The following ABRAXAS1 variants were observed in gnomAD, a reference collection of about 807,000 sequenced individuals.
ABRAXAS1 encodes abraxas 1, BRCA1 A complex subunit.
A neutral mutation model predicts 38.4 loss-of-function variants in ABRAXAS1; 26 were observed. That is an observed-to-expected ratio of 0.68 (90% CI 0.50 to 0.94). The LOEUF (loss-of-function observed/expected upper bound fraction) is 0.94, where lower values mean the gene tolerates loss of function less well. Ranked by LOEUF, ABRAXAS1 falls within the 40% of genes least tolerant of loss-of-function variation. The pLI is 0.00. For missense variants in ABRAXAS1, 438 were observed against 481.9 expected, an observed-to-expected ratio of 0.91 and a Z score of 0.85; for synonymous variants, 144 against 165.5, an observed-to-expected ratio of 0.87 and a Z score of 1.00.
At chr4:83,472,849 A>G (rs1045793523) in intron 3 of ABRAXAS1, among the ~76,000 whole-genome samples, 1 of 152,202 alleles carries the variant, frequency 6.6e-6, no homozygotes, top group Non-Finnish European at 1.5e-5. Context: ...TTAAAAGATA[A>G]TTCCAAGTGA....
rs1306599893 is a variant in ABRAXAS1, at chr4:83,482,168, ACTT to A, written c.161_163del (p.Glu54del). On this transcript the variant is annotated inframe_deletion, in exon 2 of 9. Transcript: ENST00000321945. Reference sequence around the variant, plus strand: ...AAATAACTCACCAATTGTATAAACAACTTCAACATCATCCATTTGGGAATCAGT... The same window carrying A: ...AAATAACTCACCAATTGTATAAACAACAACATCATCCATTTGGGAATCAGT... 1 of 1,607,132 alleles carries A rather than the reference ACTT, an allele frequency of 6.2e-7. No individual in the cohort carries two copies. Among genetic ancestry groups the A allele is most frequent in the East Asian group, 2.2e-5 (1 of 44,770 alleles).
In ABRAXAS1 at chr4:83,472,117, T is replaced by C. The variant is rs1722608647; in HGVS notation, c.282+105A>G. Reference sequence around the variant, plus strand: ...TTCTTACTTACTTTACAGGATACTATGATGTCAAACACTGCTTAAAAATTC... The same window carrying C: ...TTCTTACTTACTTTACAGGATACTACGATGTCAAACACTGCTTAAAAATTC... On this transcript the variant is annotated intron_variant, in intron 4 of 8. Transcript: ENST00000321945. The C allele has an allele frequency of 1.1e-5, 7 of 631,208 alleles. No homozygotes were observed. In the South Asian group the frequency reaches 1.5e-4, roughly 14 times the overall value. The allele number at this position is 631,208 out of a possible 1,614,324, so 39.1% of individuals were successfully genotyped here.
intron 1 of ABRAXAS1, chr4:83,484,261 C>A: frequency 1.1e-6 from 1 of 945,142 alleles, no homozygotes; most frequent in Non-Finnish European, 1.3e-6. Context: ...ATTCTCCGAA[C>A]TGTACCACAC....
At chr4:83,483,635 A>G (rs1215494619) in intron 1 of ABRAXAS1, among the ~76,000 whole-genome samples, 1 of 152,080 alleles carries the variant, frequency 6.6e-6, no homozygotes, top group Non-Finnish European at 1.5e-5. Context: ...CCATAATGTG[A>G]GTCTTTACTG....
In ABRAXAS1 at chr4:83,476,801, C is replaced by T. The variant is rs138374560; in HGVS notation, c.179-122G>A. The T allele has an allele frequency of 1.6e-3, 1,010 of 623,978 alleles. 14 individuals carry two copies. The East Asian group carries it at 0.025, about 16-fold the overall frequency. The allele number at this position is 623,978 out of a possible 1,614,324, so 38.7% of individuals were successfully genotyped here. ...TTACCACTGATTATCTGATTTTTAT[C>T]CTCACAACAAATCTGCGACATATAC... On this transcript the variant is annotated intron_variant, in intron 2 of 8. Coordinates refer to ENST00000321945, the MANE Select transcript of ABRAXAS1 (RefSeq NM_139076.3).
In ABRAXAS1 at chr4:83,472,378, A is replaced by G. The variant is rs573774891; in HGVS notation, c.216-90T>C. 1.0e-3 allele frequency: 746 copies of G among 718,002 alleles called. 1 individual carries two copies. The highest frequency in any genetic ancestry group is 1.4e-3 in the Non-Finnish European group (653 of 458,368). 44.5% of individuals were successfully genotyped at this position (718,002 alleles called of 1,614,324 possible). On this transcript the variant is annotated intron_variant, in intron 3 of 8. Transcript: ENST00000321945. ...TTAAATTTTAGTTATTCCTAACCCAACTACCAAAGCCCATATACCTATTTG... is the reference window on the plus strand; with the variant it reads ...TTAAATTTTAGTTATTCCTAACCCAGCTACCAAAGCCCATATACCTATTTG...
chr4:83,484,164 G>T lies in ABRAXAS1; in HGVS notation c.87+822C>A. On this transcript the variant is annotated intron_variant, in intron 1 of 8. Coordinates refer to ENST00000321945, the MANE Select transcript of ABRAXAS1 (RefSeq NM_139076.3). ...ATTACAGGCGTGAGCCACCGCGCCC[G>T]ACCTATATTAAGGCAATTTTGAGTA... 3 of 983,006 alleles carry T rather than the reference G, an allele frequency of 3.1e-6. No homozygotes were observed. The South Asian group carries it at 1.4e-4, about 46-fold the overall frequency. The allele number at this position is 983,006 out of a possible 1,614,324, so 60.9% of individuals were successfully genotyped here. A position where few individuals can be genotyped will look rare whatever the true frequency, so the allele number is the denominator to read the frequency against.
At chr4:83,469,929 T>TA (rs1008134896) in intron 5 of ABRAXAS1, 60 of 256,358 alleles carry the variant, frequency 2.3e-4, no homozygotes, top group East Asian at 5.3e-4. Context: ...ATCAATCAAT[T>TA]AAAAAAAAAG....
chr4:83,477,637 A>G, intron 2 of ABRAXAS1: 1 of 515,502 alleles, frequency 1.9e-6, no homozygotes, highest in East Asian at 4.8e-5. Flanking sequence ...GGACCTTGCC[A>G]AAACACGACT....
rs1201001604 is a variant in ABRAXAS1, at chr4:83,462,179, C to T, written c.*290G>A. On this transcript the variant is annotated 3_prime_UTR_variant, in exon 9 of 9. Coordinates refer to ENST00000321945, the MANE Select transcript of ABRAXAS1 (RefSeq NM_139076.3). Reference sequence around the variant, plus strand: ...AAGTGCTGGGATTACAGGTGTGAGCCACTGTGCCTGGTCTCACTTTTCCAA... The same window carrying T: ...AAGTGCTGGGATTACAGGTGTGAGCTACTGTGCCTGGTCTCACTTTTCCAA... 2.9e-6 allele frequency: 1 copy of T among 349,170 alleles called. No homozygotes were observed. Among genetic ancestry groups the T allele is most frequent in the South Asian group, 4.7e-5 (1 of 21,098 alleles). 21.6% of individuals were successfully genotyped at this position (349,170 alleles called of 1,614,324 possible).
At chr4:83,467,707 T>G (rs920097763) in intron 6 of ABRAXAS1, among the ~76,000 whole-genome samples, 169 bp from the exon 7 acceptor site, 1 of 152,184 alleles carries the variant, frequency 6.6e-6, no homozygotes, top group East Asian at 1.9e-4. Context: ...CAAAACCTAC[T>G]TCATTGATCT....
intron 1 of ABRAXAS1, 42 bp downstream of exon 1, chr4:83,484,944 C>A (rs911918522): frequency 6.6e-7 from 1 of 1,512,798 alleles, no homozygotes; most frequent in Non-Finnish European, 8.9e-7. Context: ...GCGCAGGGCT[C>A]TTCCCAGGCG....
chr4:83,463,020 G>A (rs1722199247), intron 8 of ABRAXAS1, 118 bp from the exon 9 acceptor site: 3 of 671,474 alleles, frequency 4.5e-6, no homozygotes, highest in Non-Finnish European at 7.3e-6. Context: ...TATCTAAAGT[G>A]AGGATAACAT....
chr4:83,481,781 G>A (rs902355764), intron 2 of ABRAXAS1, among the ~76,000 whole-genome samples: 8 of 151,786 alleles, frequency 5.3e-5, no homozygotes, highest in Admixed American at 2.0e-4. Flanking sequence ...ACAGAGTCTC[G>A]CTTTGTTGCC....
intron 2 of ABRAXAS1, 138 bp from the exon 3 acceptor site, chr4:83,476,817 C>T (rs539235313): frequency 3.1e-5 from 18 of 572,618 alleles, no homozygotes; most frequent in East Asian, 2.0e-4. Context: ...AACAAATCTG[C>T]GACATATACT....
chr4:83,459,866 A>C lies in ABRAXAS1; in HGVS notation c.*2603T>G. 2 of 1,356,090 alleles carry C rather than the reference A, an allele frequency of 1.5e-6. No homozygotes were observed. Among genetic ancestry groups the C allele is most frequent in the Admixed American group, 4.5e-5 (2 of 44,536 alleles). The allele number at this position is 1,356,090 out of a possible 1,614,324, so 84.0% of individuals were successfully genotyped here. A position where few individuals can be genotyped will look rare whatever the true frequency, so the allele number is the denominator to read the frequency against. The stretch of plus-strand genomic sequence containing the variant: ...TATATCAATCTATTTCTATCATTTA[A>C]GAAAACTCAAATTTTCAAATTGTGC... On this transcript the variant is annotated 3_prime_UTR_variant, in exon 9 of 9. Coordinates refer to ENST00000321945, the MANE Select transcript of ABRAXAS1 (RefSeq NM_139076.3).
At position 83,459,696 on chromosome 4, in the gene ABRAXAS1, TAACA is replaced by T; in HGVS notation, c.*2769_*2772del. The T allele has an allele frequency of 6.5e-7, 1 of 1,544,134 alleles. No homozygotes were observed. The highest frequency in any genetic ancestry group is 8.9e-7 in the Non-Finnish European group (1 of 1,125,700). ...TGAAATTTACACATTCAGAAATAAATAACAGATACTTTTTTTTCCCCTCCACATA... is the reference window on the plus strand; with the variant it reads ...TGAAATTTACACATTCAGAAATAAATGATACTTTTTTTTCCCCTCCACATA... On this transcript the variant is annotated 3_prime_UTR_variant, in exon 9 of 9. Coordinates refer to ENST00000321945, the MANE Select transcript of ABRAXAS1 (RefSeq NM_139076.3).
chr4:83,468,959 C>T, intron 6 of ABRAXAS1, 73 bp downstream of exon 6: 1 of 1,538,222 alleles, frequency 6.5e-7, no homozygotes, highest in South Asian at 1.1e-5. Context: ...TTTTATTCTG[C>T]TGTTGTTTGA....
chr4:83,478,350 A>T (rs954928567), intron 2 of ABRAXAS1: 3 of 599,318 alleles, frequency 5.0e-6, no homozygotes, highest in Admixed American at 1.9e-5. Flanking sequence ...ATTTTGGCCA[A>T]ACTGGCTTTG....
Sources: allele counts gnomAD v4.1 joint callset (sites outside exome capture counted in the v4.1 genomes callset), GRCh38; gene constraint gnomAD v4.1.1; transcripts MANE v1.5; gene names NCBI Gene and HGNC (gene_info 2026-07-23, HGNC 2026-07-21).